Variants in NFRKB observed in about 807,000 individuals in gnomAD.
The protein encoded by NFRKB is nuclear factor related to kappa-B-binding protein.
A neutral mutation model predicts 135.7 loss-of-function variants in NFRKB; 62 were observed. The observed-to-expected ratio is 0.46, with a 90% confidence interval of 0.37 to 0.56. NFRKB has a LOEUF of 0.56. Ranked by LOEUF, NFRKB falls within the 20% of genes least tolerant of loss-of-function variation. The probability of loss-of-function intolerance (pLI) is 0.00; values close to 1 mark genes in which losing one functional copy is unlikely to be tolerated. For synonymous variants in NFRKB, 678 were observed against 635.6 expected (o/e 1.07, Z -1.00); for missense variants, 1,545 against 1,662.0 (o/e 0.93, Z 1.22).
intron 15 of NFRKB, among the ~76,000 whole-genome samples, chr11:129,877,684 C>T (rs1485455490): frequency 6.6e-6 from 1 of 152,074 alleles, no homozygotes; most frequent in African/African-American, 2.4e-5. Context: ...CTAAAGGCAA[C>T]AAACAATTCG....
Position 129,874,015 on chromosome 11 carries a change from A to G in NFRKB, c.2280T>C (p.Gly760=), listed in dbSNP as rs1591490385. Residue 760 remains glycine, a splice_region_variant and synonymous_variant, in exon 22 of 27, where the codon GGT becomes GGC. Coordinates refer to ENST00000682444, the MANE Select transcript of NFRKB (RefSeq NM_001143835.2). The surrounding 1 kb of genome is among the most constrained non-coding windows in gnomAD (Gnocchi z 4.5). ...TVSEPAKSSS[G]VLLVSSPTMP... ...TTGTTGGTGAAGACACCAGAAGAAC[A>G]CTATGAAGAACATCGGGGAAAGACA... is the stretch of plus-strand genomic sequence containing the variant. 1 of 1,607,960 alleles carries G rather than the reference A, an allele frequency of 6.2e-7. No individual in the cohort carries two copies. The highest frequency in any genetic ancestry group is 2.2e-5 in the East Asian group (1 of 44,702).
At chr11:129,873,204 T>G (rs1948600751) in intron 22 of NFRKB, 108 bp from the exon 23 acceptor site, 1 of 943,128 alleles carries the variant, frequency 1.1e-6, no homozygotes, top group Admixed American at 3.0e-5. Context: ...TCAAAGAGCT[T>G]CTAATCCCAC....
intron 11 of NFRKB, 78 bp from the exon 12 acceptor site, chr11:129,881,931 G>A (rs1565412145): frequency 3.9e-6 from 6 of 1,528,130 alleles, no homozygotes; most frequent in Non-Finnish European, 5.3e-6. Flanking sequence ...ACCACAACCT[G>A]CAGTATATGC....
chr11:129,875,567 C>T, intron 17 of NFRKB, 104 bp from the exon 18 acceptor site: 1 of 776,202 alleles, frequency 1.3e-6, no homozygotes. Flanking sequence ...GGGGTTCCTG[C>T]TCCTCTACCT....
chr11:129,883,232 C>T (rs781385986), intron 8 of NFRKB, 26 bp from the exon 9 acceptor site: 2 of 1,602,060 alleles, frequency 1.2e-6, no homozygotes, highest in Admixed American at 1.7e-5. Flanking sequence ...AGAATTTGGT[C>T]ATGGAGGCCC....
At chr11:129,877,529 C>T (rs993831399) in intron 15 of NFRKB, 144 bp from the exon 16 acceptor site, 3 of 733,300 alleles carry the variant, frequency 4.1e-6, no homozygotes, top group African/African-American at 3.5e-5. Flanking sequence ...AAGAGCCCAC[C>T]TTCCAGCTCC....
intron 14 of NFRKB, 52 bp from the exon 15 acceptor site, chr11:129,878,407 A>T: frequency 6.2e-7 from 1 of 1,613,134 alleles, no homozygotes; most frequent in Non-Finnish European, 8.5e-7. Flanking sequence ...ATTTGGGCAA[A>T]CTTAAGAGCT....
chr11:129,895,420 A>T (rs1949728558), intron 1 of NFRKB, 76 bp downstream of exon 1: 1 of 152,510 alleles, frequency 6.6e-6, no homozygotes, highest in Admixed American at 6.6e-5. Context: ...GACCTCGCGG[A>T]CCCAGCCGCC....
At chr11:129,887,565 T>C (rs532646373) in intron 4 of NFRKB, among the ~76,000 whole-genome samples, 9 of 152,274 alleles carry the variant, frequency 5.9e-5, no homozygotes, top group Admixed American at 2.6e-4. Flanking sequence ...GCAGGACATT[T>C]TATAATTCAA....
In NFRKB at chr11:129,875,347, T is replaced by G. The variant is rs1368960773; in HGVS notation, c.1854+10A>C. On this transcript the variant is annotated intron_variant, in intron 18 of 26. Coordinates refer to ENST00000682444, the MANE Select transcript of NFRKB (RefSeq NM_001143835.2). ...GGAACAAAGCAAAAGTAATCTCTTC[T>G]CCGTCCTACCTGAGTGCTGGTGACA... 4.4e-6 allele frequency: 7 copies of G among 1,599,056 alleles called. No homozygotes were observed. The highest frequency in any genetic ancestry group is 4.0e-5 in the African/African-American group (3 of 74,696).
At position 129,882,331 on chromosome 11, in the gene NFRKB, T is replaced by C. The variant is rs1949068652; in HGVS notation, c.1082+120A>G. 1.9e-5 allele frequency: 26 copies of C among 1,371,068 alleles called. No homozygotes were observed. The South Asian group carries it at 3.2e-4, about 17-fold the overall frequency. 84.9% of individuals were successfully genotyped at this position (1,371,068 alleles called of 1,614,324 possible). On this transcript the variant is annotated intron_variant, in intron 10 of 26. Coordinates refer to ENST00000682444, the MANE Select transcript of NFRKB (RefSeq NM_001143835.2). ...CAATATATTTTCCCAGCAGTATCCC[T>C]GGGACTTCAGGTCTACAAGTCCAAC...
chr11:129,879,957 C>G (rs117680941), intron 13 of NFRKB, among the ~76,000 whole-genome samples: 1,754 of 152,310 alleles, frequency 0.012, 14 homozygotes, highest in Middle Eastern at 0.034. Context: ...GAGGCCAAAG[C>G]AGGTGGATCA....
At chr11:129,866,401 T>G (rs890064858) in intron 24 of NFRKB, among the ~76,000 whole-genome samples, 1 of 151,680 alleles carries the variant, frequency 6.6e-6, no homozygotes, top group African/African-American at 2.4e-5. Context: ...TGAAATAAAT[T>G]TGAGGAAGGA....
At chr11:129,891,708 T>C (rs1289080960) in intron 3 of NFRKB, among the ~76,000 whole-genome samples, 1 of 152,232 alleles carries the variant, frequency 6.6e-6, no homozygotes, top group Non-Finnish European at 1.5e-5. Context: ...ACTGCATTTT[T>C]AGACCACACA....
intron 3 of NFRKB, among the ~76,000 whole-genome samples, chr11:129,890,035 T>TG (rs1289625127): frequency 2.0e-5 from 3 of 150,338 alleles, no homozygotes; most frequent in Non-Finnish European, 4.4e-5. Flanking sequence ...TTTTGTTTTT[T>TG]TTTTTTGTTT....
chr11:129,881,538 A>G, intron 12 of NFRKB, 30 bp from the exon 13 acceptor site: 1 of 1,613,550 alleles, frequency 6.2e-7, no homozygotes, highest in Non-Finnish European at 8.5e-7. Context: ...TAAACAAACC[A>G]TACAGGTGCG....
chr11:129,895,154 C>T (rs1053947357), intron 1 of NFRKB, among the ~76,000 whole-genome samples: 2 of 152,230 alleles, frequency 1.3e-5, no homozygotes, highest in Non-Finnish European at 2.9e-5. Flanking sequence ...GTCTAACTTT[C>T]CCCGCTGGAC....
At chr11:129,888,566 C>A (rs1565423069) in intron 4 of NFRKB, 28 bp downstream of exon 4, 8 of 1,610,266 alleles carry the variant, frequency 5.0e-6, no homozygotes, top group African/African-American at 1.3e-5. Flanking sequence ...CACCACCCCC[C>A]TCAAAGAAAG....
At chr11:129,891,448 C>T (rs1479234432) in intron 3 of NFRKB, among the ~76,000 whole-genome samples, 3 of 152,150 alleles carry the variant, frequency 2.0e-5, no homozygotes, top group African/African-American at 7.2e-5. Flanking sequence ...ATGATCAGCT[C>T]ATTCAGATTC....
Sources: gnomAD v4.1 joint callset for allele counts (sites outside exome capture counted in the v4.1 genomes callset) on GRCh38, gnomAD v4.1.1 for gene constraint, Gnocchi (gnomAD v3.1) non-coding constraint, MANE v1.5 for transcripts, NCBI Gene and HGNC (gene_info 2026-07-23, HGNC 2026-07-21) for gene names.